The following RSRC1 variants were observed in gnomAD, a reference collection of about 807,000 sequenced individuals.
RSRC1 encodes the protein serine/Arginine-related protein 53.
Under a neutral mutation model 49.1 loss-of-function variants are expected in RSRC1, and 39 were observed. The ratio of observed to expected loss-of-function variants is 0.79; its 90% confidence interval spans 0.61 to 1.04. The LOEUF (loss-of-function observed/expected upper bound fraction) is 1.04, where lower values mean the gene tolerates loss of function less well. Ranked by LOEUF, RSRC1 falls within the 50% of genes least tolerant of loss-of-function variation. The pLI is 0.00. For missense variants in RSRC1, 388 were observed against 402.4 expected (o/e 0.96, Z 0.31); for synonymous variants, 143 against 130.8 (o/e 1.09, Z -0.63).
intron 3 of RSRC1, among the ~76,000 whole-genome samples, chr3:158,152,753 T>C (rs1688709719): frequency 6.6e-6 from 1 of 152,220 alleles, no homozygotes; most frequent in African/African-American, 2.4e-5. Context: ...GAATTAAAAA[T>C]TGATCCTGTA....
intron 7 of RSRC1, among the ~76,000 whole-genome samples, chr3:158,484,217 T>TTC (rs1349777744): frequency 2.0e-5 from 3 of 152,068 alleles, no homozygotes; most frequent in African/African-American, 7.2e-5. Context: ...TGGCCACGTG[T>TTC]TAAAGAGAGA....
intron 6 of RSRC1, among the ~76,000 whole-genome samples, chr3:158,379,599 C>T (rs1256530774): frequency 6.6e-6 from 1 of 152,060 alleles, no homozygotes; most frequent in Non-Finnish European, 1.5e-5. Context: ...TCCTGTTCTC[C>T]TCACTCAATC....
chr3:158,382,759 G>A (rs530961917), intron 6 of RSRC1, among the ~76,000 whole-genome samples: 1 of 152,174 alleles, frequency 6.6e-6, no homozygotes, highest in African/African-American at 2.4e-5. Flanking sequence ...ACTACACAAA[G>A]GTCTTTCTCT....
At chr3:158,210,180 G>A (rs1721589923) in intron 4 of RSRC1, among the ~76,000 whole-genome samples, 1 of 152,048 alleles carries the variant, frequency 6.6e-6, no homozygotes, top group Non-Finnish European at 1.5e-5. Context: ...GTTCTGTGGT[G>A]CAGAGCATGC....
intron 7 of RSRC1, among the ~76,000 whole-genome samples, chr3:158,513,807 G>T (rs1372840412): frequency 2.6e-5 from 4 of 152,300 alleles, no homozygotes; most frequent in African/African-American, 9.6e-5. Context: ...CCTGTTATTG[G>T]TCTATTCAGA....
At chr3:158,191,407 G>C (rs1720234072) in intron 3 of RSRC1, among the ~76,000 whole-genome samples, 2 of 152,104 alleles carry the variant, frequency 1.3e-5, no homozygotes, top group African/African-American at 4.8e-5. Context: ...AAGTATTGTA[G>C]TTTTCTTTTG....
chr3:158,330,055 G>C (rs1455694264), intron 5 of RSRC1, among the ~76,000 whole-genome samples: 1 of 152,246 alleles, frequency 6.6e-6, no homozygotes, highest in African/African-American at 2.4e-5. Context: ...ATTATCTCCT[G>C]GTGTGCCGTT....
At chr3:158,387,664 T>G (rs1733039014) in intron 6 of RSRC1, among the ~76,000 whole-genome samples, 2 of 152,154 alleles carry the variant, frequency 1.3e-5, no homozygotes, top group Non-Finnish European at 2.9e-5. Flanking sequence ...TCCTTACAAG[T>G]ATTGGTATGG....
intron 6 of RSRC1, among the ~76,000 whole-genome samples, chr3:158,453,387 T>C (rs915201340): frequency 5.3e-5 from 8 of 151,702 alleles, no homozygotes; most frequent in Admixed American, 2.0e-4. Context: ...GGAACCTTTT[T>C]TTTTTTTTTT....
chr3:158,196,890 G>A (rs1720656977), intron 3 of RSRC1, among the ~76,000 whole-genome samples: 3 of 152,162 alleles, frequency 2.0e-5, no homozygotes, highest in South Asian at 2.1e-4. Flanking sequence ...ATGCACTGCT[G>A]GATTCGGTTT....
chr3:158,341,341 GCCAGGT>G (rs965821036), intron 5 of RSRC1, among the ~76,000 whole-genome samples: 1 of 152,082 alleles, frequency 6.6e-6, no homozygotes, highest in Non-Finnish European at 1.5e-5. Context: ...GGTTTCGTGG[GCCAGGT>G]CCAGGTCCCT....
intron 5 of RSRC1, among the ~76,000 whole-genome samples, chr3:158,317,915 C>A (rs1728550374): frequency 6.6e-6 from 1 of 152,154 alleles, no homozygotes; most frequent in African/African-American, 2.4e-5. Flanking sequence ...CCCCCTAGAG[C>A]AAACTTGTCC....
intron 6 of RSRC1, among the ~76,000 whole-genome samples, chr3:158,441,341 A>C (rs941069041): frequency 6.6e-6 from 1 of 152,162 alleles, no homozygotes; most frequent in African/African-American, 2.4e-5. Flanking sequence ...TTGAAGATCT[A>C]CGATCTTATC....
chr3:158,284,014 T>C (rs1378078215), intron 4 of RSRC1, among the ~76,000 whole-genome samples: 1 of 151,758 alleles, frequency 6.6e-6, no homozygotes. Context: ...TAGCATTAGG[T>C]ATATCTCCTA....
intron 4 of RSRC1, among the ~76,000 whole-genome samples, chr3:158,235,202 A>G (rs1420198569): frequency 6.6e-6 from 1 of 152,092 alleles, no homozygotes; most frequent in Non-Finnish European, 1.5e-5. Context: ...TAATGAACTC[A>G]TTAGTTTAAA....
chr3:158,234,772 G>A (rs905805617), intron 4 of RSRC1, among the ~76,000 whole-genome samples: 2 of 151,998 alleles, frequency 1.3e-5, no homozygotes, highest in Middle Eastern at 3.2e-3. Flanking sequence ...AGAAACAAAC[G>A]AAGATTTTTT....
intron 5 of RSRC1, among the ~76,000 whole-genome samples, chr3:158,321,249 T>TC (rs1028351790): frequency 6.8e-6 from 1 of 148,036 alleles, no homozygotes; most frequent in Non-Finnish European, 1.5e-5. Flanking sequence ...TTCTCTCTCT[T>TC]CCTTCTTCTT....
intron 7 of RSRC1, among the ~76,000 whole-genome samples, chr3:158,481,187 T>C (rs987415862): frequency 6.6e-6 from 1 of 152,054 alleles, no homozygotes; most frequent in Admixed American, 6.6e-5. Flanking sequence ...TTGGCATAGA[T>C]TGTTCTTTAT....
chr3:158,126,512 T>G (rs1001152235), intron 3 of RSRC1, among the ~76,000 whole-genome samples: 1 of 152,214 alleles, frequency 6.6e-6, no homozygotes, highest in African/African-American at 2.4e-5. Context: ...GTTATTGATA[T>G]CACAGTTTAC....
Sources: allele counts gnomAD v4.1 joint callset (sites outside exome capture counted in the v4.1 genomes callset), GRCh38; gene constraint gnomAD v4.1.1; transcripts MANE v1.5; gene names NCBI Gene and HGNC (gene_info 2026-07-23, HGNC 2026-07-21).